Variants in ST3GAL1 observed in about 807,000 individuals in gnomAD.
ST3GAL1 encodes CMP-N-acetylneuraminate-beta-galactosamide-alpha-2,3-sialyltransferase 1.
A neutral mutation model predicts 34.1 loss-of-function variants in ST3GAL1; 16 were observed. The observed-to-expected ratio is 0.47, with a 90% CI of 0.32 to 0.71. The LOEUF (loss-of-function observed/expected upper bound fraction) is 0.71. Ranked by LOEUF, ST3GAL1 falls within the 30% of genes least tolerant of loss-of-function variation. ST3GAL1 has a pLI of 0.04. For synonymous variants in ST3GAL1, 191 were observed against 184.7 expected, an observed-to-expected ratio of 1.03 and a Z score of -0.28; for missense variants, 353 against 447.4, an observed-to-expected ratio of 0.79 and a Z score of 1.90.
chr8:133,558,490 T>C (rs1489284116), intron 1 of ST3GAL1, among the ~76,000 whole-genome samples: 3 of 152,228 alleles, frequency 2.0e-5, no homozygotes, highest in African/African-American at 7.2e-5. Context: ...AGAAGAAGGT[T>C]GAACAAGGTT....
rs183902641 is a variant in ST3GAL1 at position 133,508,449 on chromosome 8, G to A, written c.-428-9260C>T. On this transcript the variant is annotated intron_variant, in intron 2 of 9. Coordinates refer to ENST00000522652, the MANE Select transcript of ST3GAL1 (RefSeq NM_173344.3). This position sits in a 1 kb window ranked among gnomAD's most constrained non-coding sequence, Gnocchi z 4.1. ...CATCCCTGCTCAGCAGCTCCCCTGC[G>A]TAGCCCTGTGTCCCCCACCCTTTCC... Among the ~76,000 whole-genome samples the A allele has an allele frequency of 1.7e-3, 254 of 152,182 alleles. No homozygotes were observed. Among genetic ancestry groups the A allele is most frequent in the Non-Finnish European group, 2.6e-3 (179 of 68,018 alleles).
chr8:133,560,483 G>A (rs936464208), intron 1 of ST3GAL1, among the ~76,000 whole-genome samples: 1 of 152,212 alleles, frequency 6.6e-6, no homozygotes, highest in African/African-American at 2.4e-5. Context: ...CAGGCTTTGG[G>A]AGAATGAAGC....
intron 2 of ST3GAL1, among the ~76,000 whole-genome samples, chr8:133,503,758 T>C (rs1467923336): frequency 6.6e-6 from 1 of 152,154 alleles, no homozygotes; most frequent in Non-Finnish European, 1.5e-5. Flanking sequence ...TGGAACTACA[T>C]GGCATTTCCT....
chr8:133,475,278 G>A (rs1563700813), intron 5 of ST3GAL1, among the ~76,000 whole-genome samples: 1 of 152,226 alleles, frequency 6.6e-6, no homozygotes, highest in Non-Finnish European at 1.5e-5. Flanking sequence ...AGCGGGCCTG[G>A]GGCGGCTTCC....
At chr8:133,472,069 C>G (rs576371673) in intron 5 of ST3GAL1, among the ~76,000 whole-genome samples, 1 of 151,964 alleles carries the variant, frequency 6.6e-6, no homozygotes, top group African/African-American at 2.4e-5. Context: ...GGGACAGAGA[C>G]CCGAGGAGAG....
chr8:133,463,398 C>CG lies in ST3GAL1; in HGVS notation c.729+15dup, dbSNP rs1219402851. 14 of 1,613,774 alleles carry CG rather than the reference C, an allele frequency of 8.7e-6. No individual in the cohort carries two copies. Among genetic ancestry groups the CG allele is most frequent in the Middle Eastern group, 3.3e-4 (2 of 6,062 alleles). On this transcript the variant is annotated intron_variant, in intron 8 of 9. Coordinates refer to ENST00000522652, the MANE Select transcript of ST3GAL1 (RefSeq NM_173344.3). Reference sequence around the variant, plus strand: ...AAGCCTGAACTTAGAACAGAGGGGCCGGGGCCTCCACTCACCTTATCCTGT... The same window carrying CG: ...AAGCCTGAACTTAGAACAGAGGGGCCGGGGGCCTCCACTCACCTTATCCTGT...
intron 2 of ST3GAL1, among the ~76,000 whole-genome samples, chr8:133,513,383 A>G (rs1817552436): frequency 6.6e-6 from 1 of 151,970 alleles, no homozygotes; most frequent in Non-Finnish European, 1.5e-5. Context: ...ACTTTTCAGG[A>G]CTTTTCCTCT....
intron 3 of ST3GAL1, among the ~76,000 whole-genome samples, chr8:133,496,254 C>A (rs969569090): frequency 6.6e-6 from 1 of 152,214 alleles, no homozygotes; most frequent in Non-Finnish European, 1.5e-5. Flanking sequence ...TTAATACATA[C>A]TTCTGAGCCC....
intron 2 of ST3GAL1, among the ~76,000 whole-genome samples, chr8:133,543,348 A>C (rs1234596164): frequency 3.3e-5 from 5 of 152,232 alleles, no homozygotes; most frequent in African/African-American, 9.6e-5. Context: ...GGAATTTAGC[A>C]GGGGCAAGTG....
intron 5 of ST3GAL1, among the ~76,000 whole-genome samples, chr8:133,472,474 C>G (rs1816006051): frequency 1.3e-5 from 2 of 152,208 alleles, no homozygotes; most frequent in South Asian, 4.1e-4. Flanking sequence ...GAAAGCCAAA[C>G]CATATCATGA....
rs147133657 is a variant in ST3GAL1, at chr8:133,530,633, A to G, written c.-429+15141T>C. On this transcript the variant is annotated intron_variant, in intron 2 of 9. Coordinates refer to ENST00000522652, the MANE Select transcript of ST3GAL1 (RefSeq NM_173344.3). ...ATGCTGTGCTCAGATCACTGACACC[A>G]AGGCTTTTGTTGTTGTTGTTCTTGA... Among the ~76,000 whole-genome samples, 217 of 152,274 alleles carry G rather than the reference A, an allele frequency of 1.4e-3. 1 individual carries two copies. The highest frequency in any genetic ancestry group is 5.1e-3 in the African/African-American group (212 of 41,568).
intron 3 of ST3GAL1, among the ~76,000 whole-genome samples, chr8:133,485,709 G>A (rs907947198): frequency 2.6e-5 from 4 of 152,132 alleles, no homozygotes; most frequent in Non-Finnish European, 2.9e-5. Flanking sequence ...TGGCTACCCC[G>A]GAGTAGGTGT....
chr8:133,526,673 A>C (rs948791316), intron 2 of ST3GAL1, among the ~76,000 whole-genome samples: 11 of 152,210 alleles, frequency 7.2e-5, no homozygotes, highest in Admixed American at 2.6e-4. Context: ...GAGCTGCCAC[A>C]GTGCCTGGGG....
At position 133,459,629 on chromosome 8, in the gene ST3GAL1, A is replaced by C; in HGVS notation, c.*135T>G. The stretch of plus-strand genomic sequence containing the variant: ...GTAGATGCTGCCAACGGCTGGGTGC[A>C]AGAGGCTGTGAGCGGTGCCCAGGCA... On this transcript the variant is annotated 3_prime_UTR_variant, in exon 10 of 10. Coordinates refer to ENST00000522652, the MANE Select transcript of ST3GAL1 (RefSeq NM_173344.3). The surrounding 1 kb of genome is among the most constrained non-coding windows in gnomAD (Gnocchi z 4.7). 8.6e-7 allele frequency: 1 copy of C among 1,162,792 alleles called. No individual in the cohort carries two copies. Among genetic ancestry groups the C allele is most frequent in the Non-Finnish European group, 1.2e-6 (1 of 843,192 alleles). The allele number at this position is 1,162,792 out of a possible 1,614,324, so 72.0% of individuals were successfully genotyped here.
rs751264743 is a variant in ST3GAL1 at position 133,463,439 on chromosome 8, G to T, written c.704C>A (p.Ala235Glu). 2 of 1,613,976 alleles carry T rather than the reference G, an allele frequency of 1.2e-6. No homozygotes were observed. The highest frequency in any genetic ancestry group is 8.5e-7 in the Non-Finnish European group (1 of 1,179,974). ...CTTATCCTGTTTCACTCTGATCTTT[G>T]CAGGAACCGGGATGTAGGTGCTGCA... The part of the protein sequence containing the change: ...TISHTYIPVP[A>E]KIRVKQDKIL... Residue 235 changes from alanine to glutamate, a missense_variant, in exon 8 of 10, where the codon GCA becomes GAA. By Grantham distance (107) the Ala-to-Glu change is moderately radical. Coordinates refer to ENST00000522652, the MANE Select transcript of ST3GAL1 (RefSeq NM_173344.3).
chr8:133,481,948 T>G (rs553018400), intron 3 of ST3GAL1, among the ~76,000 whole-genome samples: 1 of 152,042 alleles, frequency 6.6e-6, no homozygotes, highest in Non-Finnish European at 1.5e-5. Flanking sequence ...GGTTCTTGGT[T>G]CCTTGGGTTT....
intron 8 of ST3GAL1, among the ~76,000 whole-genome samples, chr8:133,463,107 C>T (rs1265331860): frequency 6.6e-6 from 1 of 152,200 alleles, no homozygotes; most frequent in Admixed American, 6.5e-5. Flanking sequence ...GCACAGGGGT[C>T]CCCGGAGAAT....
intron 2 of ST3GAL1, among the ~76,000 whole-genome samples, chr8:133,521,220 G>A (rs1324538026): frequency 2.1e-5 from 3 of 142,988 alleles, no homozygotes; most frequent in Non-Finnish European, 4.5e-5. Context: ...TGCAACCTCC[G>A]CTTCCTGGGT....
Position 133,571,508 on chromosome 8 carries a change from C to A in ST3GAL1, c.-582+185G>T, listed in dbSNP as rs1235861042. Among the ~76,000 whole-genome samples the A allele has an allele frequency of 2.0e-5, 3 of 152,172 alleles. No homozygotes were observed. The highest frequency in any genetic ancestry group is 4.4e-5 in the Non-Finnish European group (3 of 68,042). The stretch of plus-strand genomic sequence containing the variant: ...CCCTTCGAATGTCTTCCACTAGAAT[C>A]CCGGGGTCTTCAGTCCCAGCTCCAC... On this transcript the variant is annotated intron_variant, in intron 1 of 9. Coordinates refer to ENST00000522652, the MANE Select transcript of ST3GAL1 (RefSeq NM_173344.3). The surrounding 1 kb of genome is among the most constrained non-coding windows in gnomAD (Gnocchi z 6.7).
Sources: gnomAD v4.1 joint callset for allele counts (sites outside exome capture counted in the v4.1 genomes callset) on GRCh38, gnomAD v4.1.1 for gene constraint, Gnocchi (gnomAD v3.1) non-coding constraint, MANE v1.5 for transcripts, NCBI Gene and HGNC (gene_info 2026-07-23, HGNC 2026-07-21) for gene names.